The following COL15A1 variants were observed in gnomAD, a reference collection of about 807,000 sequenced individuals.
The protein encoded by COL15A1 is collagen type XV alpha 1 chain.
COL15A1 carries 111 observed loss-of-function variants against 165.9 expected under a neutral mutation model. The observed-to-expected ratio is 0.67, with a 90% CI of 0.57 to 0.78. COL15A1 has a LOEUF of 0.78. Ranked by LOEUF, COL15A1 falls within the 30% of genes least tolerant of loss-of-function variation. COL15A1 has a pLI of 0.00. For synonymous variants in COL15A1, 659 were observed against 674.8 expected, an observed-to-expected ratio of 0.98 and a Z score of 0.36; for missense variants, 1,745 against 1,789.7, an observed-to-expected ratio of 0.98 and a Z score of 0.45.
At chr9:98,946,699 T>C (rs1837589516) in intron 2 of COL15A1, among the ~76,000 whole-genome samples, 1 of 152,374 alleles carries the variant, frequency 6.6e-6, no homozygotes, top group Non-Finnish European at 1.5e-5. Flanking sequence ...CAAGACTTCA[T>C]AGCACTATGA....
chr9:99,065,038 A>G (rs1210126791), intron 39 of COL15A1, among the ~76,000 whole-genome samples: 3 of 152,252 alleles, frequency 2.0e-5, no homozygotes, highest in South Asian at 2.1e-4. Context: ...GAGTGTTATA[A>G]CATTACTGTC....
At chr9:99,020,052 A>G (rs1031435734) in intron 11 of COL15A1, among the ~76,000 whole-genome samples, 6 of 152,362 alleles carry the variant, frequency 3.9e-5, no homozygotes, top group African/African-American at 1.4e-4. Context: ...TATATGGAGA[A>G]TGTTGCCCTG....
At chr9:99,019,817 T>C (rs565405466) in intron 11 of COL15A1, among the ~76,000 whole-genome samples, 15 of 152,270 alleles carry the variant, frequency 9.9e-5, no homozygotes, top group African/African-American at 3.4e-4. Flanking sequence ...ATAAATTAGC[T>C]GTCTAGAATT....
At chr9:99,024,029 G>C (rs1464500013) in intron 14 of COL15A1, among the ~76,000 whole-genome samples, 1 of 152,128 alleles carries the variant, frequency 6.6e-6, no homozygotes, top group Admixed American at 6.5e-5. Context: ...ACCTTCTCTA[G>C]CTGCAGCTGG....
intron 2 of COL15A1, among the ~76,000 whole-genome samples, chr9:98,962,557 A>C (rs10512261): frequency 6.6e-6 from 1 of 152,140 alleles, no homozygotes; most frequent in South Asian, 2.1e-4. Context: ...GTGGAATTCA[A>C]AACTTAAGTG....
At chr9:99,004,470 T>TG (rs1392082097) in intron 8 of COL15A1, among the ~76,000 whole-genome samples, 1 of 152,074 alleles carries the variant, frequency 6.6e-6, no homozygotes, top group African/African-American at 2.4e-5. Flanking sequence ...CAGATGGCAC[T>TG]GGGCTAGGAA....
chr9:99,055,214 G>C, intron 33 of COL15A1, 48 bp from the exon 34 acceptor site: 2 of 1,580,980 alleles, frequency 1.3e-6, no homozygotes, highest in Non-Finnish European at 1.7e-6. Flanking sequence ...GTCAGAGACT[G>C]AGTTCATCCC....
intron 39 of COL15A1, among the ~76,000 whole-genome samples, 163 bp downstream of exon 39, chr9:99,063,272 G>A (rs981510917): frequency 6.6e-6 from 1 of 152,126 alleles, no homozygotes; most frequent in Non-Finnish European, 1.5e-5. Context: ...AAGTTGTTTG[G>A]GTGAACCAAG....
intron 2 of COL15A1, among the ~76,000 whole-genome samples, chr9:98,962,411 G>T (rs1564012533): frequency 6.6e-6 from 1 of 152,316 alleles, no homozygotes; most frequent in South Asian, 2.1e-4. Context: ...ACACTAGCAT[G>T]CGAAGAGCCA....
At chr9:98,953,571 A>G (rs1171903266) in intron 2 of COL15A1, among the ~76,000 whole-genome samples, 2 of 152,004 alleles carry the variant, frequency 1.3e-5, no homozygotes, top group Non-Finnish European at 2.9e-5. Context: ...ACCAAATCCA[A>G]TCCACTCCAG....
intron 2 of COL15A1, among the ~76,000 whole-genome samples, chr9:98,950,623 T>A (rs1837671144): frequency 7.2e-6 from 1 of 139,546 alleles, no homozygotes; most frequent in Non-Finnish European, 1.5e-5. Flanking sequence ...TTCCTTTCTT[T>A]CTTTCTTTTG....
In COL15A1 at chr9:99,063,071, C is replaced by T. The variant is rs1235050988; in HGVS notation, c.3613C>T (p.Pro1205Ser). The T allele has an allele frequency of 3.1e-6, 5 of 1,587,854 alleles. No individual in the cohort carries two copies. Among genetic ancestry groups the T allele is most frequent in the Non-Finnish European group, 4.3e-6 (5 of 1,171,800 alleles). The change falls in exon 39 of 42, where the codon CCA (proline) becomes TCA (serine). Residue 1205 changes from proline to serine, a missense_variant. Physicochemically the swap from Pro to Ser is moderately conservative, Grantham distance 74. Coordinates refer to ENST00000375001, the MANE Select transcript of COL15A1 (RefSeq NM_001855.5). The stretch of plus-strand genomic sequence containing the variant: ...ACAGCCACATCAGCTTCTGCCTCCA[C>T]CAAACCCTATTTCAAGTGCCAATTA... ...SSNPHQLLPPPNPISSANYEK... is the reference protein window; with the variant it reads ...SSNPHQLLPPSNPISSANYEK...
At position 98,997,154 on chromosome 9, in the gene COL15A1, T is replaced by C. The variant is rs1838563222; in HGVS notation, c.952+73T>C. ...TACTATGTGTCCAGCCGGGGCCATG[T>C]ATGTAACATACAGAATCTCATTTAA... On this transcript the variant is annotated intron_variant, in intron 6 of 41. Transcript: ENST00000375001. The C allele has an allele frequency of 4.5e-6, 7 of 1,557,304 alleles. No homozygotes were observed. The East Asian group carries it at 1.6e-4, about 35-fold the overall frequency.
At chr9:99,040,876 TA>T (rs2119068896) in intron 23 of COL15A1, 1 of 309,460 alleles carries the variant, frequency 3.2e-6, no homozygotes, top group Admixed American at 4.2e-5. Context: ...ACACTAAAAA[TA>T]GTGCTAACTA....
intron 11 of COL15A1, among the ~76,000 whole-genome samples, chr9:99,018,697 C>G (rs1838975986): frequency 6.6e-6 from 1 of 152,044 alleles, no homozygotes; most frequent in Admixed American, 6.5e-5. Flanking sequence ...AAAATTATAC[C>G]TGTTAGAAAT....
chr9:98,953,243 G>T (rs911664209), intron 2 of COL15A1, among the ~76,000 whole-genome samples: 1 of 152,198 alleles, frequency 6.6e-6, no homozygotes, highest in African/African-American at 2.4e-5. Flanking sequence ...AGCTAAGGTG[G>T]TATCAGAGGT....
intron 36 of COL15A1, among the ~76,000 whole-genome samples, chr9:99,060,977 C>CT (rs1249331173): frequency 1.3e-5 from 2 of 152,238 alleles, no homozygotes; most frequent in East Asian, 3.8e-4. Flanking sequence ...ATAATTCAGT[C>CT]TTCTCCATTC....
At chr9:99,062,222 T>C in intron 37 of COL15A1, 23 bp from the exon 38 acceptor site, 1 of 1,610,402 alleles carries the variant, frequency 6.2e-7, no homozygotes. Context: ...ATCTTTCATT[T>C]CAATGTACTG....
intron 2 of COL15A1, among the ~76,000 whole-genome samples, chr9:98,962,578 T>C (rs182725987): frequency 6.6e-6 from 1 of 152,196 alleles, no homozygotes; most frequent in African/African-American, 2.4e-5. Context: ...CTTTTAAAGA[T>C]AAAGCAAGAG....
Sources: allele counts gnomAD v4.1 joint callset (sites outside exome capture counted in the v4.1 genomes callset), GRCh38; gene constraint gnomAD v4.1.1; transcripts MANE v1.5; gene names NCBI Gene and HGNC (gene_info 2026-07-23, HGNC 2026-07-21).